FBXW7: variants seen among roughly 807,000 people sequenced by gnomAD.
FBXW7 encodes F-box and WD repeat domain containing 7.
FBXW7 carries 11 observed loss-of-function variants against 86.3 expected under a neutral mutation model. The observed-to-expected ratio is 0.13, with a 90% CI of 0.08 to 0.21. FBXW7 has a LOEUF of 0.21. Ranked by LOEUF, FBXW7 falls within the 10% of genes least tolerant of loss-of-function variation. The pLI, the probability that FBXW7 is intolerant of heterozygous loss-of-function variation, is 1.00. For missense variants in FBXW7, 488 were observed against 847.4 expected (o/e 0.58, Z 5.27); for synonymous variants, 313 against 297.9 (o/e 1.05, Z -0.52).
At position 152,479,000 on chromosome 4, in the gene FBXW7, T is replaced by C. The variant is rs534034437; in HGVS notation, c.-120+55941A>G. On this transcript the variant is annotated intron_variant, in intron 2 of 13. Transcript: ENST00000281708. ...ACTGAGTCAACTGTTATTCTCAGAT[T>C]AAAGAACTAAAATAGGCTTAAAAGC... 2.6e-5 allele frequency among the ~76,000 whole-genome samples: 4 copies of C among 152,200 alleles called. No homozygotes were observed. The South Asian group carries it at 8.3e-4, about 32-fold the overall frequency.
At chr4:152,342,578 T>G (rs1730853290) in intron 6 of FBXW7, among the ~76,000 whole-genome samples, 1 of 152,158 alleles carries the variant, frequency 6.6e-6, no homozygotes, top group Non-Finnish European at 1.5e-5. Flanking sequence ...ATAGACTGTT[T>G]TATGACCTTG....
chr4:152,392,722 A>C (rs1736100430), intron 4 of FBXW7, among the ~76,000 whole-genome samples: 2 of 152,312 alleles, frequency 1.3e-5, no homozygotes, highest in South Asian at 4.1e-4. Context: ...GTTGGTTTAT[A>C]GTCATCCTAG....
intron 2 of FBXW7, among the ~76,000 whole-genome samples, chr4:152,521,261 T>C (rs566855280): frequency 1.3e-5 from 2 of 152,058 alleles, no homozygotes; most frequent in Non-Finnish European, 2.9e-5. Flanking sequence ...AAAAAATAAC[T>C]AATTCTAGTT....
At chr4:152,482,633 G>A (rs578032183) in intron 2 of FBXW7, among the ~76,000 whole-genome samples, 31 of 152,254 alleles carry the variant, frequency 2.0e-4, no homozygotes, top group Admixed American at 3.3e-4. Context: ...CAAGATGCAT[G>A]TAACCATTGC....
intron 2 of FBXW7, among the ~76,000 whole-genome samples, chr4:152,460,706 A>G (rs985003726): frequency 2.6e-5 from 4 of 152,186 alleles, no homozygotes; most frequent in African/African-American, 9.7e-5. Context: ...GTATTGAGCA[A>G]TTTGACCACT....
intron 2 of FBXW7, among the ~76,000 whole-genome samples, chr4:152,534,698 G>A (rs1750336303): frequency 1.3e-5 from 2 of 152,092 alleles, no homozygotes; most frequent in Admixed American, 6.5e-5. Context: ...AGAAAGGTGC[G>A]AGTATTCACT....
At chr4:152,534,213 CA>C (rs1413837989) in intron 2 of FBXW7, among the ~76,000 whole-genome samples, 2 of 148,312 alleles carry the variant, frequency 1.3e-5, no homozygotes, top group South Asian at 4.4e-4. Flanking sequence ...TTCAAAAAAG[CA>C]AAGCCTCAAA....
intron 4 of FBXW7, among the ~76,000 whole-genome samples, chr4:152,396,395 A>T (rs935180038): frequency 6.6e-6 from 1 of 151,942 alleles, no homozygotes; most frequent in Non-Finnish European, 1.5e-5. Flanking sequence ...ACCCCTCCCT[A>T]CAAGAGCTAC....
At chr4:152,511,456 C>T (rs1431503214) in intron 2 of FBXW7, among the ~76,000 whole-genome samples, 1 of 151,740 alleles carries the variant, frequency 6.6e-6, no homozygotes, top group Admixed American at 6.6e-5. Context: ...TTCCTTTATG[C>T]TTAAAAATAT....
chr4:152,382,589 C>A (rs769905482), intron 4 of FBXW7: 5 of 716,602 alleles, frequency 7.0e-6, no homozygotes, highest in Non-Finnish European at 8.9e-6. Context: ...CTGCTCCTGC[C>A]AGTCAAACAG....
intron 4 of FBXW7, among the ~76,000 whole-genome samples, chr4:152,407,448 G>A (rs1253960722): frequency 6.6e-6 from 1 of 152,152 alleles, no homozygotes; most frequent in Non-Finnish European, 1.5e-5. Context: ...TGTCTTGCAG[G>A]TAGACTAGGC....
At chr4:152,365,022 GACAAA>G (rs1733338610) in intron 4 of FBXW7, among the ~76,000 whole-genome samples, 1 of 152,128 alleles carries the variant, frequency 6.6e-6, no homozygotes, top group Non-Finnish European at 1.5e-5. Context: ...AAGATAATGA[GACAAA>G]ACAAAGCAAA....
In FBXW7 at chr4:152,458,757, T is replaced by C. The variant is rs551931825; in HGVS notation, c.-119-46228A>G. ...AAGAGTGAACTAACTTACTTCTAAC[T>C]GGGAAAAAGAGCTTGCAGTATGGAC... On this transcript the variant is annotated intron_variant, in intron 2 of 13. Transcript: ENST00000281708. Among the ~76,000 whole-genome samples, 5 of 152,132 alleles carry C rather than the reference T, an allele frequency of 3.3e-5. No individual in the cohort carries two copies. The South Asian group carries it at 1.0e-3, about 32-fold the overall frequency.
At position 152,490,623 on chromosome 4, in the gene FBXW7, A is replaced by G. The variant is rs770644765; in HGVS notation, c.-120+44318T>C. Reference sequence around the variant, plus strand: ...CTGACTCTGTCTCTCAAGCAGCAGCATAAGTTAAAAAAACATTCATTACAG... The same window carrying G: ...CTGACTCTGTCTCTCAAGCAGCAGCGTAAGTTAAAAAAACATTCATTACAG... On this transcript the variant is annotated intron_variant, in intron 2 of 13. Transcript: ENST00000281708. 9.1e-4 allele frequency among the ~76,000 whole-genome samples: 138 copies of G among 152,154 alleles called. 2 individuals are homozygous for G. The highest frequency in any genetic ancestry group is 9.6e-4 in the Non-Finnish European group (65 of 67,998).
intron 6 of FBXW7, among the ~76,000 whole-genome samples, chr4:152,346,224 T>C (rs937389791): frequency 4.6e-5 from 7 of 152,134 alleles, no homozygotes; most frequent in South Asian, 4.1e-4. Flanking sequence ...TATTAAAATA[T>C]AGTAATCAGG....
At position 152,375,004 on chromosome 4, in the gene FBXW7, C is replaced by T. The variant is rs1229326997; in HGVS notation, c.502-24880G>A. 5.9e-5 allele frequency among the ~76,000 whole-genome samples: 9 copies of T among 152,076 alleles called. No homozygotes were observed. The South Asian group carries it at 6.2e-4, about 11-fold the overall frequency. On this transcript the variant is annotated intron_variant, in intron 4 of 13. Coordinates refer to ENST00000281708, the MANE Select transcript of FBXW7 (RefSeq NM_001349798.2). Reference sequence around the variant, plus strand: ...AAAGTGATGTTGAGTTTCGTGAAATCCCTTTTAGTCATCAAGACATTTTAG... The same window carrying T: ...AAAGTGATGTTGAGTTTCGTGAAATTCCTTTTAGTCATCAAGACATTTTAG...
intron 12 of FBXW7, chr4:152,325,549 G>A (rs988186075): frequency 9.5e-5 from 15 of 157,532 alleles, no homozygotes; most frequent in South Asian, 1.9e-4. Context: ...AGTGGGCCTG[G>A]GACAGTAGAG....
At chr4:152,484,760 G>A (rs550795102) in intron 2 of FBXW7, among the ~76,000 whole-genome samples, 43 of 152,138 alleles carry the variant, frequency 2.8e-4, no homozygotes, top group African/African-American at 9.4e-4. Flanking sequence ...TCAGGAGTTC[G>A]AGACCAGCCT....
chr4:152,337,322 C>T (rs888619570), intron 7 of FBXW7, among the ~76,000 whole-genome samples: 4 of 151,756 alleles, frequency 2.6e-5, no homozygotes, highest in African/African-American at 9.7e-5. Context: ...AAAATAATTA[C>T]ACAATGTTAA....
Sources: gnomAD v4.1 joint callset for allele counts (sites outside exome capture counted in the v4.1 genomes callset) on GRCh38, gnomAD v4.1.1 for gene constraint, MANE v1.5 for transcripts, NCBI Gene and HGNC (gene_info 2026-07-23, HGNC 2026-07-21) for gene names.